Variants in PLPPR4 observed in about 807,000 individuals in gnomAD.
PLPPR4 encodes the protein phospholipid phosphatase-related protein type 4.
PLPPR4 carries 24 observed loss-of-function variants against 56.6 expected under a neutral mutation model. That is an observed-to-expected ratio of 0.42 (90% confidence interval 0.31 to 0.60). The LOEUF (loss-of-function observed/expected upper bound fraction) is 0.60, where lower values mean the gene tolerates loss of function less well. PLPPR4 is among the 20% of genes least tolerant of loss of function. PLPPR4 has a pLI of 0.13. For missense variants in PLPPR4, 654 were observed against 885.8 expected (o/e 0.74, Z 3.32); for synonymous variants, 326 against 328.1 (o/e 0.99, Z 0.07).
At chr1:99,294,004 A>T (rs1570919312) in intron 2 of PLPPR4, among the ~76,000 whole-genome samples, 1 of 152,280 alleles carries the variant, frequency 6.6e-6, no homozygotes, top group East Asian at 1.9e-4. Flanking sequence ...ACTTGTTGTA[A>T]ACTGTTTTCT....
chr1:99,276,473 T>C (rs1659187042), intron 1 of PLPPR4, among the ~76,000 whole-genome samples: 1 of 152,104 alleles, frequency 6.6e-6, no homozygotes, highest in African/African-American at 2.4e-5. Flanking sequence ...GAAAACATAA[T>C]TAATTTAGAA....
At chr1:99,266,280 G>C (rs1658894446) in intron 1 of PLPPR4, among the ~76,000 whole-genome samples, 1 of 152,182 alleles carries the variant, frequency 6.6e-6, no homozygotes, top group Non-Finnish European at 1.5e-5. Context: ...TCAGTTAATG[G>C]CTGAGTTCCA....
At chr1:99,283,371 C>CAGCT (rs1659379089) in intron 1 of PLPPR4, among the ~76,000 whole-genome samples, 1 of 152,146 alleles carries the variant, frequency 6.6e-6, no homozygotes, top group African/African-American at 2.4e-5. Context: ...AGTAAGCTGT[C>CAGCT]TGATCTAGAT....
At chr1:99,270,359 C>T (rs1659025426) in intron 1 of PLPPR4, among the ~76,000 whole-genome samples, 1 of 152,134 alleles carries the variant, frequency 6.6e-6, no homozygotes, top group Non-Finnish European at 1.5e-5. Context: ...TGAATGTGTA[C>T]TTAGCAGTAG....
At chr1:99,273,394 G>T (rs912266676) in intron 1 of PLPPR4, among the ~76,000 whole-genome samples, 1 of 152,092 alleles carries the variant, frequency 6.6e-6, no homozygotes, top group African/African-American at 2.4e-5. Flanking sequence ...ACATTTAACA[G>T]AAGAATGATG....
At chr1:99,272,111 T>C (rs1336688080) in intron 1 of PLPPR4, among the ~76,000 whole-genome samples, 1 of 152,200 alleles carries the variant, frequency 6.6e-6, no homozygotes, top group Non-Finnish European at 1.5e-5. Context: ...AGCATATGTA[T>C]ACAGCATAGG....
intron 6 of PLPPR4, among the ~76,000 whole-genome samples, chr1:99,302,267 A>C (rs1659898669): frequency 2.6e-5 from 4 of 152,054 alleles, no homozygotes; most frequent in Admixed American, 2.6e-4. Flanking sequence ...CTTGCCCCAC[A>C]CCACAAATTT....
At chr1:99,282,708 C>G (rs2100793847) in intron 1 of PLPPR4, among the ~76,000 whole-genome samples, 1 of 152,020 alleles carries the variant, frequency 6.6e-6, no homozygotes, top group South Asian at 2.1e-4. Flanking sequence ...TCTGCAACGT[C>G]TGGTCCCAAA....
chr1:99,271,311 T>C (rs1392389561), intron 1 of PLPPR4, among the ~76,000 whole-genome samples: 1 of 152,194 alleles, frequency 6.6e-6, no homozygotes, highest in Non-Finnish European at 1.5e-5. Context: ...GAGCTACTGT[T>C]TTTACCAGGG....
intron 2 of PLPPR4, among the ~76,000 whole-genome samples, chr1:99,288,965 A>G (rs1256454307): frequency 6.6e-6 from 1 of 152,142 alleles, no homozygotes; most frequent in East Asian, 1.9e-4. Flanking sequence ...AAATGCTCTA[A>G]TGTACTGGAA....
chr1:99,264,967 T>C (rs1658853632), intron 1 of PLPPR4, among the ~76,000 whole-genome samples: 1 of 152,198 alleles, frequency 6.6e-6, no homozygotes, highest in Non-Finnish European at 1.5e-5. Flanking sequence ...GTAGTGCCTG[T>C]GTGCACAACG....
chr1:99,264,930 G>T (rs76819816), intron 1 of PLPPR4, among the ~76,000 whole-genome samples: 10,478 of 152,234 alleles, frequency 0.069, 585 homozygotes, highest in East Asian at 0.17. Flanking sequence ...GTGTGAGTGA[G>T]TGTGGTTTTA....
intron 6 of PLPPR4, among the ~76,000 whole-genome samples, chr1:99,305,449 C>G (rs1557783927): frequency 1.3e-5 from 2 of 152,100 alleles, no homozygotes; most frequent in Admixed American, 6.5e-5. Flanking sequence ...ACAAAAACAT[C>G]CAGTAGGATG....
intron 2 of PLPPR4, among the ~76,000 whole-genome samples, chr1:99,295,230 A>G (rs1209614469): frequency 6.6e-6 from 1 of 152,224 alleles, no homozygotes; most frequent in Non-Finnish European, 1.5e-5. Context: ...GTAGAGTTCT[A>G]CTATGATAAT....
chr1:99,301,698 C>A, intron 5 of PLPPR4, 26 bp from the exon 6 acceptor site: 4 of 1,568,024 alleles, frequency 2.6e-6, no homozygotes, highest in Non-Finnish European at 2.6e-6. Context: ...TTCTAACATA[C>A]TTAACCCATT....
In PLPPR4 at chr1:99,271,589, A is replaced by G. The variant is rs570677392; in HGVS notation, c.78+6918A>G. Among the ~76,000 whole-genome samples, 19 of 152,202 alleles carry G rather than the reference A, an allele frequency of 1.2e-4. No homozygotes were observed. The East Asian group carries it at 3.1e-3, about 25-fold the overall frequency. ...TTCAGCTACTAAACTTGGCTGTATT[A>G]GTGGTATTTCCTACTTAATAGTAAC... On this transcript the variant is annotated intron_variant, in intron 1 of 6. Transcript: ENST00000370185.
intron 2 of PLPPR4, among the ~76,000 whole-genome samples, chr1:99,290,781 C>CA (rs1175372031): frequency 6.6e-6 from 1 of 151,996 alleles, no homozygotes; most frequent in Non-Finnish European, 1.5e-5. Flanking sequence ...ACACCATATA[C>CA]AAAAATCAAC....
intron 1 of PLPPR4, among the ~76,000 whole-genome samples, chr1:99,267,257 GT>G (rs1658922702): frequency 1.3e-5 from 2 of 152,190 alleles, no homozygotes; most frequent in Admixed American, 1.3e-4. Flanking sequence ...GGTATGAGAT[GT>G]GAAGAAACTT....
At chr1:99,264,844 C>T (rs1441467653) in intron 1 of PLPPR4, among the ~76,000 whole-genome samples, 173 bp downstream of exon 1, 1 of 152,178 alleles carries the variant, frequency 6.6e-6, no homozygotes, top group South Asian at 2.1e-4. Context: ...CCGAATGTGC[C>T]TGTGAATACC....
Sources: gnomAD v4.1 joint callset for allele counts (sites outside exome capture counted in the v4.1 genomes callset) on GRCh38, gnomAD v4.1.1 for gene constraint, MANE v1.5 for transcripts, NCBI Gene and HGNC (gene_info 2026-07-23, HGNC 2026-07-21) for gene names.